Variants in ITGA1 observed in about 807,000 individuals in gnomAD.
ITGA1 encodes the protein integrin subunit alpha 1.
ITGA1 carries 85 observed loss-of-function variants against 145.9 expected under a neutral mutation model. The ratio of observed to expected loss-of-function variants is 0.58; its 90% CI spans 0.49 to 0.70. ITGA1 has a LOEUF of 0.70. Ranked by LOEUF, ITGA1 falls within the 30% of genes least tolerant of loss-of-function variation. The probability of loss-of-function intolerance (pLI) is 0.00; values close to 1 mark genes in which losing one functional copy is unlikely to be tolerated. For synonymous variants in ITGA1, 520 were observed against 495.3 expected (o/e 1.05, Z -0.66); for missense variants, 1,351 against 1,418.7 (o/e 0.95, Z 0.77).
chr5:52,935,875 G>GTTTATTTTCTT (rs1197452751), intron 23 of ITGA1, among the ~76,000 whole-genome samples: 1 of 66,784 alleles, frequency 1.5e-5, no homozygotes, highest in Middle Eastern at 7.1e-3. Flanking sequence ...TATAGGAAAC[G>GTTTATTTTCTT]TTTATTTTCA....
chr5:52,927,970 C>A (rs1276940281), intron 20 of ITGA1, among the ~76,000 whole-genome samples: 1 of 152,116 alleles, frequency 6.6e-6, no homozygotes, highest in African/African-American at 2.4e-5. Context: ...AGGGAGACTG[C>A]TCACCCCTTC....
At chr5:52,811,517 TAAGGAGAGCAGCCTGCTAG>T (rs1748683330) in intron 1 of ITGA1, among the ~76,000 whole-genome samples, 1 of 152,172 alleles carries the variant, frequency 6.6e-6, no homozygotes, top group African/African-American at 2.4e-5. Flanking sequence ...GGCTGACTAC[TAAGGAGAGCAGCCTGCTAG>T]AAGGAGCAAA....
chr5:52,824,328 G>A, intron 1 of ITGA1: 1 of 123,976 alleles, frequency 8.1e-6, no homozygotes, highest in Non-Finnish European at 1.6e-5. Flanking sequence ...ATCTTGCTCT[G>A]TTGCCCAGGC....
intron 1 of ITGA1, among the ~76,000 whole-genome samples, chr5:52,827,185 C>G (rs1162478480): frequency 6.7e-6 from 1 of 148,952 alleles, no homozygotes; most frequent in African/African-American, 2.5e-5. Context: ...TCATGGATGA[C>G]TTTAAGGAAT....
intron 1 of ITGA1, among the ~76,000 whole-genome samples, chr5:52,805,781 TCACC>T (rs1748579806): frequency 6.6e-6 from 1 of 151,988 alleles, no homozygotes; most frequent in African/African-American, 2.4e-5. Flanking sequence ...CTGATTTGTC[TCACC>T]AGACAAATCA....
At chr5:52,806,820 T>G (rs1484523750) in intron 1 of ITGA1, among the ~76,000 whole-genome samples, 2 of 152,222 alleles carry the variant, frequency 1.3e-5, no homozygotes, top group Admixed American at 1.3e-4. Flanking sequence ...AATGAGTTTC[T>G]GTAAGGACAA....
At chr5:52,886,098 C>T (rs115161341) in intron 7 of ITGA1, among the ~76,000 whole-genome samples, 12 of 152,212 alleles carry the variant, frequency 7.9e-5, no homozygotes, top group African/African-American at 2.9e-4. Flanking sequence ...TTAAACTGGA[C>T]TAAGTGGGTA....
At chr5:52,943,970 G>A (rs1751089901) in intron 26 of ITGA1, among the ~76,000 whole-genome samples, 1 of 152,190 alleles carries the variant, frequency 6.6e-6, no homozygotes, top group Non-Finnish European at 1.5e-5. Flanking sequence ...GGCAGAGACT[G>A]CGCTGTGCAC....
chr5:52,930,847 C>T (rs1750884894), intron 21 of ITGA1, among the ~76,000 whole-genome samples: 1 of 151,990 alleles, frequency 6.6e-6, no homozygotes, highest in African/African-American at 2.4e-5. Flanking sequence ...GAATGTCAGT[C>T]AAGGTATTAT....
At chr5:52,947,544 G>A in intron 28 of ITGA1, 83 bp downstream of exon 28, 2 of 786,866 alleles carry the variant, frequency 2.5e-6, no homozygotes, top group South Asian at 1.5e-5. Context: ...TTCAGACTAT[G>A]TAATATAGTA....
intron 1 of ITGA1, among the ~76,000 whole-genome samples, chr5:52,820,335 G>A (rs542822614): frequency 1.7e-5 from 2 of 116,842 alleles, no homozygotes; most frequent in South Asian, 5.8e-4. Context: ...AGAACACTTG[G>A]ACACAGGAAG....
At chr5:52,838,100 G>A (rs1015232402) in intron 1 of ITGA1, among the ~76,000 whole-genome samples, 3 of 152,178 alleles carry the variant, frequency 2.0e-5, no homozygotes, top group African/African-American at 7.2e-5. Flanking sequence ...AAATGGACAA[G>A]TTTTTAGTTG....
At chr5:52,951,350 A>G (rs1461238992) in intron 28 of ITGA1, among the ~76,000 whole-genome samples, 1 of 152,198 alleles carries the variant, frequency 6.6e-6, no homozygotes, top group Non-Finnish European at 1.5e-5. Flanking sequence ...TTTTTTAAAA[A>G]TAAGCATTTT....
chr5:52,861,219 T>C (rs1246675524), intron 2 of ITGA1, among the ~76,000 whole-genome samples: 1 of 152,004 alleles, frequency 6.6e-6, no homozygotes, highest in Non-Finnish European at 1.5e-5. Context: ...ATATGCTATA[T>C]ATGTATATTG....
At chr5:52,840,556 T>C (rs1308947687) in intron 1 of ITGA1, among the ~76,000 whole-genome samples, 1 of 152,154 alleles carries the variant, frequency 6.6e-6, no homozygotes, top group African/African-American at 2.4e-5. Flanking sequence ...TGAAACTGTT[T>C]AAGAATTTTA....
intron 17 of ITGA1, 152 bp from the exon 18 acceptor site, chr5:52,922,625 G>A: frequency 5.0e-6 from 3 of 600,430 alleles, no homozygotes; most frequent in East Asian, 2.9e-5. Flanking sequence ...CCTCTCCAGG[G>A]AAGCAAAAGC....
intron 2 of ITGA1, among the ~76,000 whole-genome samples, chr5:52,850,694 G>GT (rs1401254916): frequency 2.0e-5 from 3 of 152,050 alleles, no homozygotes; most frequent in Non-Finnish European, 4.4e-5. Flanking sequence ...TTTATGCTAG[G>GT]TATAAACTAG....
At chr5:52,897,897 G>A (rs1750254017) in intron 10 of ITGA1, among the ~76,000 whole-genome samples, 1 of 152,110 alleles carries the variant, frequency 6.6e-6, no homozygotes, top group African/African-American at 2.4e-5. Flanking sequence ...TCAAGACCTA[G>A]GATGCTGGGC....
At chr5:52,848,253 G>T (rs954733979) in intron 1 of ITGA1, among the ~76,000 whole-genome samples, 5 of 152,176 alleles carry the variant, frequency 3.3e-5, no homozygotes, top group African/African-American at 1.2e-4. Context: ...CCATCAGCTT[G>T]CCTTTTCCTT....
Sources: allele counts gnomAD v4.1 joint callset (sites outside exome capture counted in the v4.1 genomes callset), GRCh38; gene constraint gnomAD v4.1.1; transcripts MANE v1.5; gene names NCBI Gene and HGNC (gene_info 2026-07-23, HGNC 2026-07-21).